Variants in EPHA5 observed in about 807,000 individuals in gnomAD.
The protein encoded by EPHA5 is ephrin type-A receptor 5.
In EPHA5, 60 loss-of-function variants were observed where a neutral mutation model predicts 105.0. That is an observed-to-expected ratio of 0.57 (90% confidence interval 0.46 to 0.71). EPHA5 has a LOEUF of 0.71. EPHA5 is among the 30% of genes least tolerant of loss of function. EPHA5 has a pLI of 0.00. For missense variants in EPHA5, 1,218 were observed against 1,274.7 expected (o/e 0.96, Z 0.68); for synonymous variants, 513 against 449.1 (o/e 1.14, Z -1.80).
chr4:65,661,349 AC>A (rs1454461166), intron 1 of EPHA5, among the ~76,000 whole-genome samples: 1 of 152,180 alleles, frequency 6.6e-6, no homozygotes, highest in African/African-American at 2.4e-5. Flanking sequence ...TAAATCAAAA[AC>A]AATGACTTCA....
intron 3 of EPHA5, among the ~76,000 whole-genome samples, chr4:65,531,689 T>C (rs1482948055): frequency 6.6e-6 from 1 of 151,998 alleles, no homozygotes; most frequent in Non-Finnish European, 1.5e-5. Context: ...TACTGAGATG[T>C]CTTTGCAGAA....
chr4:65,393,006 G>A (rs960014721), intron 8 of EPHA5, among the ~76,000 whole-genome samples: 2 of 152,170 alleles, frequency 1.3e-5, no homozygotes, highest in Non-Finnish European at 2.9e-5. Flanking sequence ...CTGATACATT[G>A]TTTTGATATA....
At chr4:65,435,180 T>G (rs1016850873) in intron 5 of EPHA5, among the ~76,000 whole-genome samples, 13 of 152,106 alleles carry the variant, frequency 8.5e-5, no homozygotes, top group African/African-American at 3.1e-4. Context: ...CATGAATATT[T>G]TATTGCTACA....
chr4:65,531,204 A>AT (rs1383418876), intron 3 of EPHA5, among the ~76,000 whole-genome samples: 2 of 145,476 alleles, frequency 1.4e-5, no homozygotes, highest in African/African-American at 2.5e-5. Context: ...CGCCCGGCTA[A>AT]TTTTTTGTAT....
chr4:65,577,182 C>A (rs546783714), intron 3 of EPHA5, among the ~76,000 whole-genome samples: 1 of 152,140 alleles, frequency 6.6e-6, no homozygotes, highest in African/African-American at 2.4e-5. Context: ...ATTTAATTTG[C>A]TGCCACTATC....
chr4:65,348,430 C>A (rs914499086), intron 13 of EPHA5, among the ~76,000 whole-genome samples: 3 of 151,540 alleles, frequency 2.0e-5, no homozygotes. Context: ...GAAATACATA[C>A]AGAAACCACA....
At chr4:65,429,439 G>T (rs866601046) in intron 5 of EPHA5, among the ~76,000 whole-genome samples, 20 of 148,976 alleles carry the variant, frequency 1.3e-4, no homozygotes, top group Middle Eastern at 3.4e-3. Context: ...ATTAAATAGG[G>T]TTTTGGCAAC....
intron 3 of EPHA5, among the ~76,000 whole-genome samples, chr4:65,520,185 G>C (rs1734545145): frequency 6.6e-6 from 1 of 152,064 alleles, no homozygotes; most frequent in Admixed American, 6.5e-5. Context: ...CAGAGATATA[G>C]ACCAATGGAA....
intron 8 of EPHA5, among the ~76,000 whole-genome samples, chr4:65,373,539 T>A (rs1259936844): frequency 6.6e-6 from 1 of 151,866 alleles, no homozygotes; most frequent in Non-Finnish European, 1.5e-5. Flanking sequence ...TATTTAAAAA[T>A]TAGGATAATA....
At chr4:65,418,039 A>G (rs1214512955) in intron 6 of EPHA5, among the ~76,000 whole-genome samples, 3 of 152,116 alleles carry the variant, frequency 2.0e-5, no homozygotes, top group Admixed American at 1.3e-4. Flanking sequence ...AGTACTTGTT[A>G]AACTTTTAGT....
At chr4:65,397,836 T>A (rs532689081) in intron 8 of EPHA5, among the ~76,000 whole-genome samples, 177 of 152,234 alleles carry the variant, frequency 1.2e-3, no homozygotes, top group African/African-American at 4.2e-3. Context: ...CCCTATCATA[T>A]GAAGCAGTTA....
intron 8 of EPHA5, among the ~76,000 whole-genome samples, chr4:65,387,953 G>T (rs1408755540): frequency 1.3e-4 from 2 of 15,782 alleles, no homozygotes; most frequent in Non-Finnish European, 2.4e-4. Flanking sequence ...ATCTCCTAAT[G>T]CTATCCCTCC....
chr4:65,339,720 G>A (rs1297160405), intron 14 of EPHA5, among the ~76,000 whole-genome samples: 1 of 152,088 alleles, frequency 6.6e-6, no homozygotes, highest in Non-Finnish European at 1.5e-5. Flanking sequence ...GCCTATCCCA[G>A]CAGCTCAGGG....
At chr4:65,648,987 A>G (rs887070330) in intron 1 of EPHA5, among the ~76,000 whole-genome samples, 5 of 152,218 alleles carry the variant, frequency 3.3e-5, no homozygotes, top group Non-Finnish European at 7.3e-5. Context: ...ATTATGTTAT[A>G]GGTTTAGAAG....
intron 3 of EPHA5, among the ~76,000 whole-genome samples, chr4:65,554,572 G>A (rs1324692310): frequency 1.3e-5 from 2 of 151,438 alleles, no homozygotes; most frequent in East Asian, 1.9e-4. Context: ...TGTATAATGT[G>A]GATTTTATTT....
At chr4:65,458,401 T>C (rs1305331351) in intron 5 of EPHA5, among the ~76,000 whole-genome samples, 2 of 152,186 alleles carry the variant, frequency 1.3e-5, no homozygotes, top group Non-Finnish European at 2.9e-5. Context: ...TCTTTGACAA[T>C]GCTACTTCTC....
chr4:65,606,827 C>T lies in EPHA5; in HGVS notation c.247-4523G>A, dbSNP rs150295447. On this transcript the variant is annotated intron_variant, in intron 2 of 16. Coordinates refer to ENST00000613740, the MANE Select transcript of EPHA5 (RefSeq NM_001281766.3). The stretch of plus-strand genomic sequence containing the variant: ...TTCAGTCAAATAATATTACGACCAT[C>T]TTAGGGATTTCCTTTGCAGAATTAC... Among the ~76,000 whole-genome samples, 593 of 152,252 alleles carry T rather than the reference C, an allele frequency of 3.9e-3. 3 individuals carry two copies. Among genetic ancestry groups the T allele is most frequent in the Admixed American group, 7.3e-3 (111 of 15,296 alleles).
chr4:65,326,876 T>G (rs929735091), intron 16 of EPHA5, among the ~76,000 whole-genome samples: 1 of 151,238 alleles, frequency 6.6e-6, no homozygotes, highest in African/African-American at 2.4e-5. Context: ...TTATTATTTA[T>G]TTTGAATGAC....
intron 5 of EPHA5, among the ~76,000 whole-genome samples, chr4:65,477,702 C>T (rs951165680): frequency 2.0e-5 from 3 of 152,054 alleles, no homozygotes; most frequent in East Asian, 1.9e-4. Context: ...AGTGAGCCAC[C>T]GTGCCCAGCC....
Sources: allele counts gnomAD v4.1 joint callset (sites outside exome capture counted in the v4.1 genomes callset), GRCh38; gene constraint gnomAD v4.1.1; transcripts MANE v1.5; gene names NCBI Gene and HGNC (gene_info 2026-07-23, HGNC 2026-07-21).